Variants in MYO18A observed in about 807,000 individuals in gnomAD.
MYO18A encodes the protein unconventional myosin-XVIIIa.
In MYO18A, 78 loss-of-function variants were observed where a neutral mutation model predicts 235.8. The observed-to-expected ratio is 0.33, with a 90% CI of 0.28 to 0.40. The LOEUF is 0.40. Ranked by LOEUF, MYO18A falls within the 10% of genes least tolerant of loss-of-function variation. The pLI, the probability that MYO18A is intolerant of heterozygous loss-of-function variation, is 1.00. For missense variants in MYO18A, 2,215 were observed against 2,699.3 expected (o/e 0.82, Z 3.98); for synonymous variants, 977 against 1,077.8 (o/e 0.91, Z 1.83).
Position 29,121,923 on chromosome 17 carries a change from A to G in MYO18A, c.1122T>C (p.Pro374=). 1 of 1,613,766 alleles carries G rather than the reference A, an allele frequency of 6.2e-7. No individual in the cohort carries two copies. Among genetic ancestry groups the G allele is most frequent in the African/African-American group, 1.3e-5 (1 of 74,976 alleles). ...SQLKSEELNL[P]EGKVRVKLDH... ...CCAGCTTCACACGCACCTTCCCCTC[A>G]GGCAAGTTGAGCTCCTCAGATTTGA... Residue 374 remains proline (P), a synonymous_variant, in exon 4 of 42, where the codon CCT becomes CCC. Transcript: ENST00000527372. The surrounding 1 kb of genome is among the most constrained non-coding windows in gnomAD (Gnocchi z 4.2).
At chr17:29,092,807 AG>A (rs2066429145) in intron 33 of MYO18A, 47 bp downstream of exon 33, 1 of 1,596,330 alleles carries the variant, frequency 6.3e-7, no homozygotes, top group East Asian at 2.2e-5. Context: ...GAGAATGGAA[AG>A]GTAAGCTCTG....
intron 2 of MYO18A, among the ~76,000 whole-genome samples, chr17:29,153,862 C>T (rs1331253398): frequency 6.6e-6 from 1 of 152,088 alleles, no homozygotes; most frequent in Non-Finnish European, 1.5e-5. Flanking sequence ...AAGATGGGTC[C>T]CTCTTTCAGA....
At chr17:29,089,129 A>G (rs572616633) in intron 37 of MYO18A, among the ~76,000 whole-genome samples, 18 of 151,788 alleles carry the variant, frequency 1.2e-4, no homozygotes, top group Admixed American at 5.2e-4. Flanking sequence ...GGTAAGAAAG[A>G]GAAATAAGAT....
intron 2 of MYO18A, chr17:29,129,199 G>T: frequency 1.0e-6 from 1 of 967,188 alleles, no homozygotes; most frequent in Non-Finnish European, 1.4e-6. Context: ...CTCGTCTGCG[G>T]CCACTGTCTG....
At chr17:29,082,896 G>C (rs1229578679) in intron 40 of MYO18A, among the ~76,000 whole-genome samples, 1 of 152,134 alleles carries the variant, frequency 6.6e-6, no homozygotes, top group African/African-American at 2.4e-5. Context: ...TGTTACAAGA[G>C]CTGGGCTGCC....
chr17:29,113,850 C>T (rs72815800), intron 15 of MYO18A, among the ~76,000 whole-genome samples, 161 bp downstream of exon 15: 4,116 of 152,282 alleles, frequency 0.027, 75 homozygotes, highest in Non-Finnish European at 0.035. Flanking sequence ...GGGCAGAGCC[C>T]CAGCACCAGA....
chr17:29,128,548 C>T lies in MYO18A; in HGVS notation c.1000-6295G>A, dbSNP rs79155999. On this transcript the variant is annotated intron_variant, in intron 2 of 41. Coordinates refer to ENST00000527372, the MANE Select transcript of MYO18A (RefSeq NM_078471.4). The stretch of plus-strand genomic sequence containing the variant: ...CTTCCTTTGAGCTGCCCTCTAGCTA[C>T]AGTCATACAAATACAGGTAGACATT... 878 of 1,241,980 alleles carry T rather than the reference C, an allele frequency of 7.1e-4. 4 individuals carry two copies. In the African/African-American group the frequency reaches 0.013, roughly 18 times the overall value. 76.9% of individuals were successfully genotyped at this position (1,241,980 alleles called of 1,614,324 possible).
At chr17:29,157,305 AC>A (rs2068083564) in intron 2 of MYO18A, among the ~76,000 whole-genome samples, 1 of 152,010 alleles carries the variant, frequency 6.6e-6, no homozygotes, top group African/African-American at 2.4e-5. Flanking sequence ...CCCTCAGGAG[AC>A]ACTGAGAGCA....
chr17:29,094,884 GA>G lies in MYO18A; in HGVS notation c.4510-35del, dbSNP rs775979863. On this transcript the variant is annotated intron_variant, in intron 29 of 41. Transcript: ENST00000527372. ...AAAGAGATGAGGCTGGTGCAGGGCT[GA>G]CCCCAGGTTGTGAGGGGGACAGGGC... 14 of 1,613,778 alleles carry G rather than the reference GA, an allele frequency of 8.7e-6. No homozygotes were observed. In the African/African-American group the frequency reaches 1.7e-4, roughly 20 times the overall value.
At chr17:29,142,135 G>C (rs924399369) in intron 2 of MYO18A, among the ~76,000 whole-genome samples, 1 of 152,104 alleles carries the variant, frequency 6.6e-6, no homozygotes, top group Non-Finnish European at 1.5e-5. Context: ...TAGTAGAGAC[G>C]GGGTTTCACC....
At chr17:29,179,842 A>T (rs1262091018) in intron 1 of MYO18A, among the ~76,000 whole-genome samples, 1 of 152,154 alleles carries the variant, frequency 6.6e-6, no homozygotes, top group Admixed American at 6.5e-5. Context: ...TGGGAGGGAT[A>T]AAAGGGTCGG....
chr17:29,096,591 C>G (rs192377965), intron 28 of MYO18A, among the ~76,000 whole-genome samples, 170 bp downstream of exon 28: 2 of 152,162 alleles, frequency 1.3e-5, no homozygotes, highest in Admixed American at 6.5e-5. Context: ...CTGAGTCCAC[C>G]CTGGAGGTCA....
chr17:29,115,635 A>C (rs767122343), intron 12 of MYO18A, 29 bp downstream of exon 12: 18 of 1,563,998 alleles, frequency 1.2e-5, no homozygotes, highest in Non-Finnish European at 1.6e-5. Flanking sequence ...CCTCACACTC[A>C]CAACTACCAG....
chr17:29,128,542 T>C, intron 2 of MYO18A: 1 of 1,247,952 alleles, frequency 8.0e-7, no homozygotes, highest in African/African-American at 1.6e-5. Flanking sequence ...AGCTGCCCTC[T>C]AGCTACAGTC....
intron 2 of MYO18A, among the ~76,000 whole-genome samples, chr17:29,142,146 G>A (rs1407940944): frequency 2.0e-5 from 3 of 152,106 alleles, no homozygotes; most frequent in African/African-American, 7.2e-5. Context: ...GGGTTTCACC[G>A]TGGTCTCAAT....
intron 37 of MYO18A, among the ~76,000 whole-genome samples, chr17:29,087,870 C>G (rs765677884): frequency 4.3e-4 from 66 of 152,012 alleles, no homozygotes; most frequent in Non-Finnish European, 9.1e-4. Flanking sequence ...CGGGAAGGGA[C>G]TAGGCCCAAG....
At position 29,092,430 on chromosome 17, in the gene MYO18A, C is replaced by A. The variant is rs756643378; in HGVS notation, c.5100G>T (p.Ala1700=). The A allele has an allele frequency of 1.1e-5, 18 of 1,612,054 alleles. No individual in the cohort carries two copies. Among genetic ancestry groups the A allele is most frequent in the Non-Finnish European group, 1.5e-5 (18 of 1,179,750 alleles). The stretch of plus-strand genomic sequence containing the variant: ...TTGCTTTCCGTGCTTTCACGGCTGC[C>A]GCACAGGTGAACTCTGACTCCTCCA... ...NQLEESEFTC[A]AAVKARKAME... Residue 1700 remains alanine (A), a synonymous_variant, in exon 34 of 42, where the codon GCG becomes GCT. Coordinates refer to ENST00000527372, the MANE Select transcript of MYO18A (RefSeq NM_078471.4).
chr17:29,161,546 C>T (rs1036807594), intron 2 of MYO18A, among the ~76,000 whole-genome samples: 5 of 151,906 alleles, frequency 3.3e-5, no homozygotes, highest in African/African-American at 1.2e-4. Context: ...GGAGGCCTTG[C>T]TTTCTGGCCA....
rs770435949 is a variant in MYO18A at position 29,099,701 on chromosome 17, C to T, written c.3569G>A (p.Arg1190Lys). 2 of 1,613,738 alleles carry T rather than the reference C, an allele frequency of 1.2e-6. No homozygotes were observed. Among genetic ancestry groups the T allele is most frequent in the Admixed American group, 1.7e-5 (1 of 60,006 alleles). The part of the protein sequence containing the change: ...LEEQRDEQTS[R>K]NLTLFQAACR... ...GGCTGCTTGGAACAGGGTTAGGTTC[C>T]TGCTGGTTTGTTCATCCCGCTGCTC... The change falls in exon 22 of 42, where the codon AGG becomes AAG. Residue 1190 changes from arginine (R) to lysine (K), a missense_variant. By Grantham distance (26) the Arg-to-Lys change is conservative. Coordinates refer to ENST00000527372, the MANE Select transcript of MYO18A (RefSeq NM_078471.4).
Sources: gnomAD v4.1 joint callset for allele counts (sites outside exome capture counted in the v4.1 genomes callset) on GRCh38, gnomAD v4.1.1 for gene constraint, Gnocchi (gnomAD v3.1) non-coding constraint, MANE v1.5 for transcripts, NCBI Gene and HGNC (gene_info 2026-07-23, HGNC 2026-07-21) for gene names.